The following SEM1 variants were observed in gnomAD, a reference collection of about 807,000 sequenced individuals.
SEM1 encodes SEM1 26S proteasome subunit.
A neutral mutation model predicts 12.7 loss-of-function variants in SEM1; 3 were observed. That is an observed-to-expected ratio of 0.24 (90% CI 0.11 to 0.61). The LOEUF (loss-of-function observed/expected upper bound fraction) is 0.61. SEM1 is among the 20% of genes least tolerant of loss of function. The probability of loss-of-function intolerance (pLI) is 0.88; values close to 1 mark genes in which losing one functional copy is unlikely to be tolerated. For synonymous variants in SEM1, 30 were observed against 27.8 expected, an observed-to-expected ratio of 1.08 and a Z score of -0.25; for missense variants, 59 against 81.3, an observed-to-expected ratio of 0.73 and a Z score of 1.06.
At chr7:96,653,198 A>G (rs1405669245) in intron 2 of SEM1, among the ~76,000 whole-genome samples, 2 of 152,218 alleles carry the variant, frequency 1.3e-5, no homozygotes, top group Non-Finnish European at 2.9e-5. Flanking sequence ...CCATGTGCAG[A>G]CAACTGTGGT....
At chr7:96,645,880 ATCT>A (rs1410070265) in intron 2 of SEM1, 2 of 398,328 alleles carry the variant, frequency 5.0e-6, no homozygotes, top group African/African-American at 4.1e-5. Context: ...GGAGGTGGGC[ATCT>A]TCTCAGTCTT....
downstream of SEM1, among the ~76,000 whole-genome samples, chr7:96,620,539 C>T (rs1205648106): frequency 1.3e-5 from 2 of 152,176 alleles, no homozygotes; most frequent in East Asian, 3.9e-4. Context: ...GAGGGATTCT[C>T]TTGTAGCCAA....
chr7:96,514,575 G>A (rs1489235129), intron 2 of SEM1, among the ~76,000 whole-genome samples: 2 of 152,078 alleles, frequency 1.3e-5, no homozygotes, highest in East Asian at 1.9e-4. Flanking sequence ...TGCAGGATGT[G>A]AGGTTAATAT....
intron 2 of SEM1, among the ~76,000 whole-genome samples, chr7:96,592,523 G>T (rs959299852): frequency 6.6e-6 from 1 of 151,678 alleles, no homozygotes; most frequent in Admixed American, 6.6e-5. Context: ...ATTTATACAG[G>T]TTCTTCCTGG....
chr7:96,691,163 A>C (rs776721530), intron 2 of SEM1, among the ~76,000 whole-genome samples: 1 of 152,200 alleles, frequency 6.6e-6, no homozygotes, highest in Non-Finnish European at 1.5e-5. Context: ...TAAACAAATG[A>C]TATCAGAAGC....
chr7:96,521,726 G>A (rs1030899332), intron 2 of SEM1, among the ~76,000 whole-genome samples: 4 of 152,130 alleles, frequency 2.6e-5, no homozygotes, highest in African/African-American at 9.7e-5. Context: ...CACATGGAAT[G>A]AGAATTTGGC....
intron 2 of SEM1, among the ~76,000 whole-genome samples, chr7:96,600,788 T>A (rs1205970479): frequency 1.3e-5 from 2 of 152,178 alleles, no homozygotes; most frequent in African/African-American, 4.8e-5. Flanking sequence ...CACATTGCAT[T>A]CTTCCTGGAT....
downstream of SEM1, among the ~76,000 whole-genome samples, chr7:96,683,831 G>A (rs1274065813): frequency 6.6e-6 from 1 of 152,114 alleles, no homozygotes; most frequent in Non-Finnish European, 1.5e-5. Flanking sequence ...GTTGAACAGT[G>A]AGAATACATG....
chr7:96,702,913 C>T (rs1790314012), intron 1 of SEM1, among the ~76,000 whole-genome samples: 1 of 152,156 alleles, frequency 6.6e-6, no homozygotes, highest in Non-Finnish European at 1.5e-5. Flanking sequence ...AATATCTGGC[C>T]TGTAGTCTTC....
Position 96,496,200 on chromosome 7 carries a change from T to C in SEM1, c.12+84A>G, listed in dbSNP as rs550015234. On this transcript the variant is annotated intron_variant, in intron 1 of 3. Transcript: ENST00000356686. ...CGTTAGATAGTTAAAATCATCGTCA[T>C]AGTACACTCAAGGTATACTAACTCA... 141 of 823,476 alleles carry C rather than the reference T, an allele frequency of 1.7e-4. 1 individual carries two copies. In the South Asian group the frequency reaches 2.3e-3, roughly 13 times the overall value. The allele number at this position is 823,476 out of a possible 1,614,324, so 51.0% of individuals were successfully genotyped here.
At chr7:96,621,720 AATT>A (rs1807897912), downstream of SEM1, 1 of 152,244 alleles carries the variant, frequency 6.6e-6, no homozygotes, top group Non-Finnish European at 1.5e-5. Flanking sequence ...AAGCATGAGA[AATT>A]ATATTAGCAA....
chr7:96,560,307 T>C (rs571739077), intron 2 of SEM1, among the ~76,000 whole-genome samples: 2 of 152,308 alleles, frequency 1.3e-5, no homozygotes, highest in African/African-American at 4.8e-5. Flanking sequence ...CAGAGTATAT[T>C]AGAGTACCAT....
At chr7:96,624,401 A>G (rs1275685298) in intron 2 of SEM1, among the ~76,000 whole-genome samples, 1 of 152,160 alleles carries the variant, frequency 6.6e-6, no homozygotes, top group East Asian at 1.9e-4. Context: ...GAGCTCTTTT[A>G]GTGTAGTGGG....
At chr7:96,693,786 GTGTGTATA>G (rs1790005082) in intron 2 of SEM1, among the ~76,000 whole-genome samples, 1 of 149,476 alleles carries the variant, frequency 6.7e-6, no homozygotes, top group Admixed American at 6.7e-5. Flanking sequence ...GTGTGTGTGT[GTGTGTATA>G]TATATATATA....
intron 1 of SEM1, among the ~76,000 whole-genome samples, chr7:96,490,822 C>T (rs1405683896): frequency 1.3e-5 from 2 of 151,230 alleles, no homozygotes; most frequent in African/African-American, 4.9e-5. Flanking sequence ...GTCCAGATGG[C>T]TTTATTTTGG....
At chr7:96,674,887 A>G (rs986884045) in intron 2 of SEM1, among the ~76,000 whole-genome samples, 2 of 152,150 alleles carry the variant, frequency 1.3e-5, no homozygotes, top group Admixed American at 6.5e-5. Context: ...AATCCCTGTT[A>G]TGCTCTCTTC....
chr7:96,682,036 T>G (rs1789628727), intron 2 of SEM1, among the ~76,000 whole-genome samples: 1 of 152,152 alleles, frequency 6.6e-6, no homozygotes, highest in East Asian at 1.9e-4. Context: ...GTTTTTCCAT[T>G]TGTTTGTGTC....
chr7:96,538,487 G>T (rs1461347017), intron 2 of SEM1, among the ~76,000 whole-genome samples: 3 of 151,786 alleles, frequency 2.0e-5, no homozygotes, highest in African/African-American at 7.3e-5. Context: ...TGTAGCTATA[G>T]GTGCAAAAGG....
intron 3 of SEM1, among the ~76,000 whole-genome samples, chr7:96,503,266 A>C (rs939299759): frequency 6.6e-6 from 1 of 152,080 alleles, no homozygotes. Context: ...TTTTATAGTT[A>C]TTATTATTCT....
Sources: gnomAD v4.1 joint callset for allele counts (sites outside exome capture counted in the v4.1 genomes callset) on GRCh38, gnomAD v4.1.1 for gene constraint, MANE v1.5 for transcripts, NCBI Gene and HGNC (gene_info 2026-07-23, HGNC 2026-07-21) for gene names.